Variants in MACROD2 observed in about 807,000 individuals in gnomAD.
The protein encoded by MACROD2 is mono-ADP ribosylhydrolase 2.
A neutral mutation model predicts 70.4 loss-of-function variants in MACROD2; 36 were observed. That is an observed-to-expected ratio of 0.51 (90% CI 0.39 to 0.68). MACROD2 has a LOEUF of 0.68. Among genes scored for constraint, MACROD2 ranks in the 30% least tolerant of loss-of-function variants. The probability of loss-of-function intolerance (pLI) is 0.00; values close to 1 mark genes in which losing one functional copy is unlikely to be tolerated. For synonymous variants in MACROD2, 172 were observed against 178.8 expected, an observed-to-expected ratio of 0.96 and a Z score of 0.30; for missense variants, 496 against 538.4, an observed-to-expected ratio of 0.92 and a Z score of 0.78.
chr20:15,908,463 C>T (rs535876500), intron 10 of MACROD2, among the ~76,000 whole-genome samples: 21 of 152,278 alleles, frequency 1.4e-4, no homozygotes, highest in African/African-American at 4.3e-4. Flanking sequence ...TTGACTCTGC[C>T]CACATCTTTT....
At chr20:15,139,752 G>A (rs751389014) in intron 5 of MACROD2, among the ~76,000 whole-genome samples, 1 of 152,190 alleles carries the variant, frequency 6.6e-6, no homozygotes, top group African/African-American at 2.4e-5. Flanking sequence ...CTAAACAGAT[G>A]TGTCAATACA....
chr20:15,008,635 C>T (rs373790159), intron 5 of MACROD2, among the ~76,000 whole-genome samples: 14 of 152,164 alleles, frequency 9.2e-5, no homozygotes, highest in South Asian at 2.1e-4. Flanking sequence ...GGCTCTTTGG[C>T]GCTGAGAAGG....
chr20:15,161,705 T>C (rs965311157), intron 5 of MACROD2, among the ~76,000 whole-genome samples: 2 of 152,048 alleles, frequency 1.3e-5, no homozygotes, highest in Admixed American at 1.3e-4. Flanking sequence ...GACAAAGGTA[T>C]ATTCAATAAA....
intron 3 of MACROD2, among the ~76,000 whole-genome samples, chr20:14,252,614 G>T (rs1435184594): frequency 6.6e-6 from 1 of 151,864 alleles, no homozygotes; most frequent in Non-Finnish European, 1.5e-5. Flanking sequence ...TGAACTCCTA[G>T]AACAGAATCT....
At chr20:15,943,660 T>G (rs2065781149) in intron 12 of MACROD2, among the ~76,000 whole-genome samples, 1 of 152,060 alleles carries the variant, frequency 6.6e-6, no homozygotes, top group Non-Finnish European at 1.5e-5. Flanking sequence ...AAGGGTCACC[T>G]GAGACTCAGA....
At chr20:15,330,414 C>T (rs1054786841) in intron 6 of MACROD2, among the ~76,000 whole-genome samples, 18 of 149,384 alleles carry the variant, frequency 1.2e-4, no homozygotes, top group African/African-American at 4.4e-4. Flanking sequence ...TCAGAGCATC[C>T]GTCCATGAAA....
rs548292058 is a variant in MACROD2 at position 14,773,041 on chromosome 20, A to G, written c.418+88082A>G. Among the ~76,000 whole-genome samples the G allele has an allele frequency of 8.5e-5, 13 of 152,152 alleles. No homozygotes were observed. The South Asian group carries it at 1.2e-3, about 15-fold the overall frequency. On this transcript the variant is annotated intron_variant, in intron 5 of 17. Coordinates refer to ENST00000684519, the MANE Select transcript of MACROD2 (RefSeq NM_001351661.2). ...TTTCAGCTTCAGCCATCACACCCAC[A>G]TTCAAGGTAGGATGAAAGAAATCAC...
chr20:14,610,289 T>TA (rs1240507673), intron 4 of MACROD2, among the ~76,000 whole-genome samples: 25 of 152,242 alleles, frequency 1.6e-4, no homozygotes, highest in African/African-American at 5.5e-4. Context: ...ACATTGACCT[T>TA]CTGTAATGTG....
intron 5 of MACROD2, among the ~76,000 whole-genome samples, chr20:14,884,895 A>T (rs1045076996): frequency 2.6e-5 from 4 of 152,166 alleles, no homozygotes; most frequent in African/African-American, 9.7e-5. Context: ...TATTCATTCC[A>T]GGTATTTATC....
At chr20:15,745,474 A>G (rs764047378) in intron 8 of MACROD2, among the ~76,000 whole-genome samples, 3 of 152,078 alleles carry the variant, frequency 2.0e-5, no homozygotes, top group Non-Finnish European at 4.4e-5. Context: ...TGTGAGAAAA[A>G]TTGTGAGGCA....
At chr20:14,303,525 T>C (rs1269544828) in intron 3 of MACROD2, among the ~76,000 whole-genome samples, 1 of 152,168 alleles carries the variant, frequency 6.6e-6, no homozygotes, top group East Asian at 1.9e-4. Flanking sequence ...CTTTCATTCA[T>C]TGAAGAGACA....
intron 4 of MACROD2, among the ~76,000 whole-genome samples, chr20:14,530,348 A>T (rs1346936879): frequency 6.6e-6 from 1 of 152,186 alleles, no homozygotes; most frequent in Non-Finnish European, 1.5e-5. Context: ...ATAACACAAA[A>T]TAAAGAGCAG....
chr20:15,100,567 A>G (rs1056296061), intron 5 of MACROD2, among the ~76,000 whole-genome samples: 2 of 152,194 alleles, frequency 1.3e-5, no homozygotes, highest in Non-Finnish European at 2.9e-5. Flanking sequence ...GCAGAAAGTT[A>G]TCTCTGTAGC....
intron 3 of MACROD2, among the ~76,000 whole-genome samples, chr20:14,467,700 G>T (rs562614382): frequency 4.6e-5 from 7 of 152,200 alleles, no homozygotes; most frequent in Admixed American, 4.6e-4. Context: ...TAATAGTGAT[G>T]TTAGGATGTT....
intron 4 of MACROD2, among the ~76,000 whole-genome samples, chr20:14,546,756 G>A (rs988127589): frequency 2.6e-5 from 4 of 151,814 alleles, no homozygotes; most frequent in Admixed American, 6.6e-5. Context: ...TTTCCATAGG[G>A]TCATAATTAT....
At chr20:14,137,097 A>G (rs1172992802) in intron 3 of MACROD2, among the ~76,000 whole-genome samples, 1 of 151,998 alleles carries the variant, frequency 6.6e-6, no homozygotes, top group Non-Finnish European at 1.5e-5. Flanking sequence ...CTCTTAAGCA[A>G]TGCAAGAGTT....
At chr20:16,039,860 T>C (rs866020039) in intron 15 of MACROD2, among the ~76,000 whole-genome samples, 14 of 151,920 alleles carry the variant, frequency 9.2e-5, no homozygotes, top group Admixed American at 9.2e-4. Context: ...ATCTTGTCCT[T>C]GAAGAGTTGA....
At chr20:14,359,365 G>T (rs1383612484) in intron 3 of MACROD2, among the ~76,000 whole-genome samples, 1 of 152,114 alleles carries the variant, frequency 6.6e-6, no homozygotes, top group East Asian at 1.9e-4. Context: ...CACATTTTTG[G>T]TGGGAATGTA....
intron 4 of MACROD2, among the ~76,000 whole-genome samples, chr20:14,503,590 G>A (rs2084937867): frequency 6.6e-6 from 1 of 152,214 alleles, no homozygotes; most frequent in Admixed American, 6.5e-5. Context: ...TCCAGGAGAA[G>A]ATGAACAAGA....
Sources: allele counts gnomAD v4.1 joint callset (sites outside exome capture counted in the v4.1 genomes callset), GRCh38; gene constraint gnomAD v4.1.1; transcripts MANE v1.5; gene names NCBI Gene and HGNC (gene_info 2026-07-23, HGNC 2026-07-21).